Variants in MICU1 observed in about 807,000 individuals in gnomAD.
The protein encoded by MICU1 is mitochondrial calcium uptake 1, also known as calcium uptake protein 1, mitochondrial.
MICU1 carries 45 observed loss-of-function variants against 56.8 expected under a neutral mutation model. That is an observed-to-expected ratio of 0.79 (90% CI 0.62 to 1.02). The LOEUF (loss-of-function observed/expected upper bound fraction) is 1.02. Ranked by LOEUF, MICU1 falls within the 50% of genes least tolerant of loss-of-function variation. The pLI is 0.00. For missense variants in MICU1, 504 were observed against 587.1 expected, an observed-to-expected ratio of 0.86 and a Z score of 1.46; for synonymous variants, 186 against 195.1, an observed-to-expected ratio of 0.95 and a Z score of 0.39.
chr10:72,575,962 C>G (rs1840731147), intron 1 of MICU1, among the ~76,000 whole-genome samples: 1 of 152,046 alleles, frequency 6.6e-6, no homozygotes, highest in Admixed American at 6.6e-5. Context: ...GCCTGTAATC[C>G]CAGCACTTTG....
At position 72,389,970 on chromosome 10, in the gene MICU1, C is replaced by G. The variant is rs1253964593; in HGVS notation, c.1181-14098G>C. 5.9e-5 allele frequency among the ~76,000 whole-genome samples: 9 copies of G among 152,186 alleles called. No individual in the cohort carries two copies. In the East Asian group the frequency reaches 1.7e-3, roughly 29 times the overall value. The stretch of plus-strand genomic sequence containing the variant: ...GTGTGCGTACGAATGAGCAATAGAA[C>G]CAGTTCTTCTTAAGTGCTAAACGAA... On this transcript the variant is annotated intron_variant, in intron 10 of 11. Coordinates refer to ENST00000361114, the MANE Select transcript of MICU1 (RefSeq NM_001195518.2).
rs747576492 is a variant in MICU1 at position 72,477,574 on chromosome 10, G to A, written c.653-318C>T. On this transcript the variant is annotated intron_variant, in intron 6 of 11. Coordinates refer to ENST00000361114, the MANE Select transcript of MICU1 (RefSeq NM_001195518.2). ...ATCTTCTTAGCTTAGTAATATTAAC[G>A]TTCTGTTGCTTCAATATGGTATTAC... 115 of 1,531,368 alleles carry A rather than the reference G, an allele frequency of 7.5e-5. 1 individual carries two copies. In the East Asian group the frequency reaches 9.3e-4, roughly 12 times the overall value. 94.9% of individuals were successfully genotyped at this position (1,531,368 alleles called of 1,614,324 possible).
At position 72,502,933 on chromosome 10, in the gene MICU1, A is replaced by T. The variant is rs1252988588; in HGVS notation, c.652+5222T>A. The T allele has an allele frequency of 6.9e-5, 12 of 172,924 alleles. 1 individual carries two copies. In the South Asian group the frequency reaches 7.3e-4, roughly 10 times the overall value. The allele number at this position is 172,924 out of a possible 1,614,324, so 10.7% of individuals were successfully genotyped here. A position where few individuals can be genotyped will look rare whatever the true frequency, so the allele number is the denominator to read the frequency against. Reference sequence around the variant, plus strand: ...TTTATGACCAGCCTTTCCGTAGTTCAGCCTTAGACAAAGAAGCAGCACTGA... The same window carrying T: ...TTTATGACCAGCCTTTCCGTAGTTCTGCCTTAGACAAAGAAGCAGCACTGA... On this transcript the variant is annotated intron_variant, in intron 6 of 11. Coordinates refer to ENST00000361114, the MANE Select transcript of MICU1 (RefSeq NM_001195518.2).
chr10:72,545,652 A>C (rs1387656957), intron 4 of MICU1, among the ~76,000 whole-genome samples: 2 of 152,206 alleles, frequency 1.3e-5, no homozygotes, highest in African/African-American at 4.8e-5. Context: ...GGCTGCCCTT[A>C]GGGACAAAAG....
At chr10:72,524,125 T>A (rs1334447715) in intron 5 of MICU1, 1 of 495,406 alleles carries the variant, frequency 2.0e-6, no homozygotes, top group East Asian at 5.9e-5. Flanking sequence ...AATAAGACTT[T>A]TTTGTTTTTG....
chr10:72,460,868 C>T (rs1312992933), intron 8 of MICU1, among the ~76,000 whole-genome samples: 3 of 152,156 alleles, frequency 2.0e-5, no homozygotes, highest in Non-Finnish European at 2.9e-5. Context: ...TCTTTCCACT[C>T]ATTAGCACAG....
At chr10:72,573,307 C>CAAAAAAAAAAAA (rs58866778) in intron 1 of MICU1, among the ~76,000 whole-genome samples, 8 of 21,034 alleles carry the variant, frequency 3.8e-4, no homozygotes, top group African/African-American at 6.5e-4. Context: ...CCCATCACTA[C>CAAAAAAAAAAAA]AAAAAAAAAA....
chr10:72,553,830 T>C (rs903281684), intron 3 of MICU1, among the ~76,000 whole-genome samples: 1 of 152,164 alleles, frequency 6.6e-6, no homozygotes, highest in Admixed American at 6.5e-5. Flanking sequence ...TATTATATGG[T>C]ATATATTTTG....
intron 10 of MICU1, among the ~76,000 whole-genome samples, chr10:72,390,018 C>T (rs1022532615): frequency 6.6e-6 from 1 of 152,154 alleles, no homozygotes; most frequent in African/African-American, 2.4e-5. Flanking sequence ...AGTGGAGACA[C>T]ACAGTATTTC....
intron 8 of MICU1, among the ~76,000 whole-genome samples, chr10:72,444,444 C>CTTTTTTT (rs754274260): frequency 2.8e-5 from 3 of 107,668 alleles, no homozygotes; most frequent in East Asian, 2.6e-4. Flanking sequence ...GAGTCTTTGC[C>CTTTTTTT]TTTTTTTTTT....
At chr10:72,519,052 T>C (rs1867742615) in intron 5 of MICU1, among the ~76,000 whole-genome samples, 1 of 152,236 alleles carries the variant, frequency 6.6e-6, no homozygotes, top group African/African-American at 2.4e-5. Context: ...TTATGTGGCT[T>C]AGAAGTTACA....
At chr10:72,476,720 T>C (rs11814935) in intron 7 of MICU1, among the ~76,000 whole-genome samples, 6,418 of 152,288 alleles carry the variant, frequency 0.042, 442 homozygotes, top group African/African-American at 0.15. Context: ...AGTAGTTCTA[T>C]GGAAATGTAA....
chr10:72,477,097 G>C, intron 7 of MICU1, 77 bp downstream of exon 7: 1 of 1,122,264 alleles, frequency 8.9e-7, no homozygotes, highest in East Asian at 2.7e-5. Context: ...ACTGACCAAG[G>C]CTAAGGTAAC....
At chr10:72,512,673 A>G (rs570953090) in intron 5 of MICU1, among the ~76,000 whole-genome samples, 1 of 120,756 alleles carries the variant, frequency 8.3e-6, no homozygotes, top group South Asian at 2.4e-4. Flanking sequence ...TGGCAGCTCT[A>G]TGTTTTTGGT....
chr10:72,448,173 G>GTGTGTA (rs1393436881), intron 8 of MICU1, among the ~76,000 whole-genome samples: 1 of 77,164 alleles, frequency 1.3e-5, no homozygotes, highest in Non-Finnish European at 2.5e-5. Flanking sequence ...ATATGTGTGT[G>GTGTGTA]TATATATATA....
intron 1 of MICU1, among the ~76,000 whole-genome samples, chr10:72,574,405 G>A (rs796346641): frequency 6.6e-6 from 1 of 152,180 alleles, no homozygotes; most frequent in African/African-American, 2.4e-5. Flanking sequence ...TGTAATCCCA[G>A]CTACTCGGGA....
At chr10:72,422,911 T>C (rs746470318) in intron 9 of MICU1, among the ~76,000 whole-genome samples, 2 of 22,986 alleles carry the variant, frequency 8.7e-5, no homozygotes, top group South Asian at 7.1e-4. Flanking sequence ...GGTTTCACCA[T>C]GTTGGCCAGG....
chr10:72,376,022 G>A (rs1862507502), intron 10 of MICU1, 150 bp from the exon 11 acceptor site: 1 of 765,304 alleles, frequency 1.3e-6, no homozygotes, highest in Non-Finnish European at 2.1e-6. Context: ...TGGCCACAGT[G>A]GCTCATGCCT....
intron 8 of MICU1, among the ~76,000 whole-genome samples, chr10:72,441,571 T>G (rs1030202746): frequency 6.9e-4 from 99 of 142,898 alleles, no homozygotes; most frequent in African/African-American, 2.5e-3. Context: ...AAAAAAGAAA[T>G]AAAAAACCAA....
Sources: gnomAD v4.1 joint callset for allele counts (sites outside exome capture counted in the v4.1 genomes callset) on GRCh38, gnomAD v4.1.1 for gene constraint, MANE v1.5 for transcripts, NCBI Gene and HGNC (gene_info 2026-07-23, HGNC 2026-07-21) for gene names.